The following PTH1R variants were observed in gnomAD, a reference collection of about 807,000 sequenced individuals.
PTH1R encodes parathyroid hormone/parathyroid hormone-related peptide receptor.
Under a neutral mutation model 70.7 loss-of-function variants are expected in PTH1R, and 32 were observed. The observed-to-expected ratio is 0.45, with a 90% CI of 0.34 to 0.61. The LOEUF is 0.61. Among genes scored for constraint, PTH1R ranks in the 20% least tolerant of loss-of-function variants. The pLI is 0.01. For missense variants in PTH1R, 626 were observed against 792.5 expected, an observed-to-expected ratio of 0.79 and a Z score of 2.52; for synonymous variants, 329 against 324.8, an observed-to-expected ratio of 1.01 and a Z score of -0.14.
At chr3:46,898,940 C>T in intron 9 of PTH1R, 83 bp downstream of exon 9, 1 of 985,646 alleles carries the variant, frequency 1.0e-6, no homozygotes, top group Admixed American at 3.4e-5. Context: ...GCCCGGCCCT[C>T]GCCCTGCCCG....
chr3:46,883,653 A>G lies in PTH1R; in HGVS notation c.75+19A>G. 6.5e-7 allele frequency: 1 copy of G among 1,545,774 alleles called. No individual in the cohort carries two copies. The highest frequency in any genetic ancestry group is 8.7e-7 in the Non-Finnish European group (1 of 1,146,728). ...CGCGCTGGTGAGTCCCCCGCCGCCA[A>G]CACTCCGGGACAGGCTGCGGGCTTA... is the stretch of plus-strand genomic sequence containing the variant. On this transcript the variant is annotated intron_variant, in intron 3 of 15. Coordinates refer to ENST00000449590, the MANE Select transcript of PTH1R (RefSeq NM_000316.3). The surrounding 1 kb of genome is among the most constrained non-coding windows in gnomAD (Gnocchi z 6.4).
In PTH1R at chr3:46,902,450, C is replaced by G. The variant is rs2107062810; in HGVS notation, c.1212-76C>G. The G allele has an allele frequency of 6.3e-7, 1 of 1,575,732 alleles. No homozygotes were observed. The highest frequency in any genetic ancestry group is 2.3e-4 in the Middle Eastern group (1 of 4,402). On this transcript the variant is annotated intron_variant, in intron 13 of 15. Transcript: ENST00000449590. The surrounding 1 kb of genome is among the most constrained non-coding windows in gnomAD (Gnocchi z 5.4). ...CTTTGAGCTTCCGGAGCCTGGGGCT[C>G]GCAGGGTGGGGGGTGGCACAATGCT... is the stretch of plus-strand genomic sequence containing the variant.
At position 46,903,264 on chromosome 3, in the gene PTH1R, C is replaced by T. The variant is rs766848869; in HGVS notation, c.1396-6C>T. The T allele has an allele frequency of 1.2e-6, 2 of 1,612,486 alleles. No homozygotes were observed. Among genetic ancestry groups the T allele is most frequent in the South Asian group, 1.1e-5 (1 of 91,018 alleles). The stretch of plus-strand genomic sequence containing the variant: ...CACCTGACTGCCGCACCCTTACTGC[C>T]CCAAGGTACAAGCTGAGATCAAGAA... On this transcript the variant is annotated splice_polypyrimidine_tract_variant and splice_region_variant and intron_variant, in intron 15 of 15. Coordinates refer to ENST00000449590, the MANE Select transcript of PTH1R (RefSeq NM_000316.3). The surrounding 1 kb of genome is among the most constrained non-coding windows in gnomAD (Gnocchi z 4.4).
intron 9 of PTH1R, 119 bp downstream of exon 9, chr3:46,898,976 G>C: frequency 2.5e-6 from 2 of 800,308 alleles, no homozygotes; most frequent in East Asian, 5.8e-5. Flanking sequence ...ACTGGCTTCA[G>C]CCACTCAAAC....
intron 5 of PTH1R, among the ~76,000 whole-genome samples, chr3:46,897,640 A>G (rs1251458132): frequency 2.6e-5 from 4 of 152,250 alleles, no homozygotes; most frequent in Admixed American, 2.6e-4. Context: ...CTGAGGCAGG[A>G]GAATCGCTTG....
In PTH1R at chr3:46,901,296, A is replaced by C; in HGVS notation, c.1050-118A>C. The stretch of plus-strand genomic sequence containing the variant: ...GGAGGCCTCAGGCCTGGCCACACCC[A>C]GCACCCCTGCCCTGTGTCCTCAACA... On this transcript the variant is annotated intron_variant, in intron 11 of 15. Transcript: ENST00000449590. The surrounding 1 kb of genome is among the most constrained non-coding windows in gnomAD (Gnocchi z 7.3). The C allele has an allele frequency of 7.3e-7, 1 of 1,376,424 alleles. No homozygotes were observed. Among genetic ancestry groups the C allele is most frequent in the African/African-American group, 1.4e-5 (1 of 69,612 alleles). The allele number at this position is 1,376,424 out of a possible 1,614,324, so 85.3% of individuals were successfully genotyped here. A position where few individuals can be genotyped will look rare whatever the true frequency, so the allele number is the denominator to read the frequency against.
chr3:46,894,306 A>C (rs915537428), intron 4 of PTH1R, among the ~76,000 whole-genome samples: 1 of 152,154 alleles, frequency 6.6e-6, no homozygotes, highest in Non-Finnish European at 1.5e-5. Context: ...CCAGACCCCA[A>C]CTGACTGAAG....
Position 46,901,630 on chromosome 3 carries a change from C to T in PTH1R, c.1117-136C>T. On this transcript the variant is annotated intron_variant, in intron 12 of 15. Coordinates refer to ENST00000449590, the MANE Select transcript of PTH1R (RefSeq NM_000316.3). The surrounding 1 kb of genome is among the most constrained non-coding windows in gnomAD (Gnocchi z 7.3). ...GAGGACCAGCTGATCCACACTCCAG[C>T]CCAGAAAGGAAAACCAAGGGCTCAA... 7.4e-7 allele frequency: 1 copy of T among 1,347,490 alleles called. No homozygotes were observed. Among genetic ancestry groups the T allele is most frequent in the Admixed American group, 1.9e-5 (1 of 51,962 alleles). The allele number at this position is 1,347,490 out of a possible 1,614,324, so 83.5% of individuals were successfully genotyped here. A position where few individuals can be genotyped will look rare whatever the true frequency, so the allele number is the denominator to read the frequency against.
chr3:46,903,241 C>A lies in PTH1R; in HGVS notation c.1396-29C>A, dbSNP rs1391923515. On this transcript the variant is annotated intron_variant, in intron 15 of 15. Coordinates refer to ENST00000449590, the MANE Select transcript of PTH1R (RefSeq NM_000316.3). This position sits in a 1 kb window ranked among gnomAD's most constrained non-coding sequence, Gnocchi z 4.4. ...GGCATCGCTGGGGTTGGGAGACACA[C>A]CTGACTGCCGCACCCTTACTGCCCC... The A allele has an allele frequency of 2.5e-6, 4 of 1,611,048 alleles. No individual in the cohort carries two copies. The highest frequency in any genetic ancestry group is 3.4e-6 in the Non-Finnish European group (4 of 1,179,670).
intron 3 of PTH1R, among the ~76,000 whole-genome samples, chr3:46,888,676 G>A (rs1229238264): frequency 2.0e-5 from 3 of 152,234 alleles, no homozygotes; most frequent in Non-Finnish European, 4.4e-5. Context: ...CCAGTCTTAT[G>A]CCCGAGGTGA....
At chr3:46,886,138 T>A (rs191991342) in intron 3 of PTH1R, among the ~76,000 whole-genome samples, 54 of 152,302 alleles carry the variant, frequency 3.5e-4, no homozygotes, top group Admixed American at 5.9e-4. Context: ...AAAGGGGCAC[T>A]CTTGTCCTTG....
At position 46,882,950 on chromosome 3, in the gene PTH1R, T is replaced by C. The variant is rs1393055385; in HGVS notation, c.-48-562T>C. Among the ~76,000 whole-genome samples the C allele has an allele frequency of 6.6e-6, 1 of 150,432 alleles. No homozygotes were observed. Among genetic ancestry groups the C allele is most frequent in the Non-Finnish European group, 1.5e-5 (1 of 67,592 alleles). ...GCTCAGTGTGGCTGCAAAGTTGAGA[T>C]CGCACCCCCTAACTGCACGCCCCGC... On this transcript the variant is annotated intron_variant, in intron 2 of 15. Coordinates refer to ENST00000449590, the MANE Select transcript of PTH1R (RefSeq NM_000316.3). This position sits in a 1 kb window ranked among gnomAD's most constrained non-coding sequence, Gnocchi z 4.3.
chr3:46,878,220 C>T (rs1422252338), intron 1 of PTH1R, among the ~76,000 whole-genome samples: 1 of 152,228 alleles, frequency 6.6e-6, no homozygotes, highest in Admixed American at 6.5e-5. Context: ...GAGCCTCCAG[C>T]GACTCAGCTG....
Position 46,902,875 on chromosome 3 carries a change from C to A in PTH1R, c.1395+85C>A. On this transcript the variant is annotated intron_variant, in intron 15 of 15. Coordinates refer to ENST00000449590, the MANE Select transcript of PTH1R (RefSeq NM_000316.3). The surrounding 1 kb of genome is among the most constrained non-coding windows in gnomAD (Gnocchi z 5.4). ...CAAGGCTCATTTCTCCATTCTTCCA[C>A]CCTGTTATTTCTTTGTTCCTCCAAG... is the stretch of plus-strand genomic sequence containing the variant. 1 of 1,559,140 alleles carries A rather than the reference C, an allele frequency of 6.4e-7. No homozygotes were observed. The highest frequency in any genetic ancestry group is 8.8e-7 in the Non-Finnish European group (1 of 1,134,238).
rs1007127638 is a variant in PTH1R at position 46,882,718 on chromosome 3, G to T, written c.-48-794G>T. 6.6e-6 allele frequency among the ~76,000 whole-genome samples: 1 copy of T among 152,128 alleles called. No homozygotes were observed. The highest frequency in any genetic ancestry group is 1.5e-5 in the Non-Finnish European group (1 of 67,998). On this transcript the variant is annotated intron_variant, in intron 2 of 15. Coordinates refer to ENST00000449590, the MANE Select transcript of PTH1R (RefSeq NM_000316.3). This position sits in a 1 kb window ranked among gnomAD's most constrained non-coding sequence, Gnocchi z 4.3. ...ACCGAAACGGAGCTTGGGGCCGCTG[G>T]AAGAACTGAGGCCAAGGCCGGGGGA...
chr3:46,883,490 C>T lies in PTH1R; in HGVS notation c.-48-22C>T, dbSNP rs960003432. The T allele has an allele frequency of 5.8e-6, 8 of 1,369,434 alleles. No homozygotes were observed. In the African/African-American group the frequency reaches 1.1e-4, roughly 18 times the overall value. The allele number at this position is 1,369,434 out of a possible 1,614,324, so 84.8% of individuals were successfully genotyped here. ...GCGGGGCGGCCAGCCTGACGCAGCT[C>T]TGCACCCCCTACCACCACCAGGGCC... is the stretch of plus-strand genomic sequence containing the variant. On this transcript the variant is annotated intron_variant, in intron 2 of 15. Coordinates refer to ENST00000449590, the MANE Select transcript of PTH1R (RefSeq NM_000316.3). This position sits in a 1 kb window ranked among gnomAD's most constrained non-coding sequence, Gnocchi z 6.4.
rs924470607 is a variant in PTH1R at position 46,884,843 on chromosome 3, T to A, written c.75+1209T>A. Among the ~76,000 whole-genome samples, 6 of 152,200 alleles carry A rather than the reference T, an allele frequency of 3.9e-5. No individual in the cohort carries two copies. The highest frequency in any genetic ancestry group is 1.4e-4 in the African/African-American group (6 of 41,442). On this transcript the variant is annotated intron_variant, in intron 3 of 15. Transcript: ENST00000449590. The surrounding 1 kb of genome is among the most constrained non-coding windows in gnomAD (Gnocchi z 4.8). Reference sequence around the variant, plus strand: ...TAAAAGAGAGGGCCTGGAAGAAACATCTGCCTGAGAATCCCATCATCAGAG... The same window carrying A: ...TAAAAGAGAGGGCCTGGAAGAAACAACTGCCTGAGAATCCCATCATCAGAG...
Position 46,897,843 on chromosome 3 carries a change from C to A in PTH1R, c.314-12C>A. 1 of 1,611,918 alleles carries A rather than the reference C, an allele frequency of 6.2e-7. No individual in the cohort carries two copies. Among genetic ancestry groups the A allele is most frequent in the South Asian group, 1.1e-5 (1 of 90,972 alleles). Reference sequence around the variant, plus strand: ...CCTTGGTATCCCCTACCCTGTCTGTCTCTGGGCACAGGGCGCCCCTGTCTG... The same window carrying A: ...CCTTGGTATCCCCTACCCTGTCTGTATCTGGGCACAGGGCGCCCCTGTCTG... On this transcript the variant is annotated splice_polypyrimidine_tract_variant and intron_variant, in intron 5 of 15. Coordinates refer to ENST00000449590, the MANE Select transcript of PTH1R (RefSeq NM_000316.3).
chr3:46,897,972 C>A lies in PTH1R; in HGVS notation c.424+7C>A. 6.2e-7 allele frequency: 1 copy of A among 1,613,964 alleles called. No individual in the cohort carries two copies. The highest frequency in any genetic ancestry group is 8.5e-7 in the Non-Finnish European group (1 of 1,179,872). On this transcript the variant is annotated splice_region_variant and intron_variant, in intron 6 of 15. Transcript: ENST00000449590. The stretch of plus-strand genomic sequence containing the variant: ...TATGACTTCAATCACAAAGGTGAGG[C>A]CTGCTGGAAGGGGTGGGGATTACAA...
Sources: allele counts gnomAD v4.1 joint callset (sites outside exome capture counted in the v4.1 genomes callset), GRCh38; gene constraint gnomAD v4.1.1; non-coding constraint Gnocchi (gnomAD v3.1); transcripts MANE v1.5; gene names NCBI Gene and HGNC (gene_info 2026-07-23, HGNC 2026-07-21).